The following TNFSF11 variants were observed in gnomAD, a reference collection of about 807,000 sequenced individuals.
TNFSF11 encodes TNF superfamily member 11, also known as tumor necrosis factor ligand superfamily member 11.
Under a neutral mutation model 32.2 loss-of-function variants are expected in TNFSF11, and 12 were observed. The ratio of observed to expected loss-of-function variants is 0.37; its 90% CI spans 0.24 to 0.60. The LOEUF (loss-of-function observed/expected upper bound fraction) is 0.60. Ranked by LOEUF, TNFSF11 falls within the 20% of genes least tolerant of loss-of-function variation. The pLI, the probability that TNFSF11 is intolerant of heterozygous loss-of-function variation, is 0.66. For synonymous variants in TNFSF11, 172 were observed against 152.1 expected, an observed-to-expected ratio of 1.13 and a Z score of -0.96; for missense variants, 345 against 398.0, an observed-to-expected ratio of 0.87 and a Z score of 1.13.
At chr13:42,574,637 A>G in intron 1 of TNFSF11, 115 bp downstream of exon 1, 1 of 1,280,950 alleles carries the variant, frequency 7.8e-7, no homozygotes, top group South Asian at 1.3e-5. Flanking sequence ...ATATTCCGGA[A>G]GGGAAAGTGA....
chr13:42,567,817 C>T (rs1872922353), intron 2 of TNFSF11, among the ~76,000 whole-genome samples: 2 of 152,226 alleles, frequency 1.3e-5, no homozygotes, highest in South Asian at 4.1e-4. Flanking sequence ...ACACACTTTA[C>T]ACTTAACAAA....
chr13:42,567,943 C>T (rs973012555), intron 2 of TNFSF11, among the ~76,000 whole-genome samples: 2 of 152,202 alleles, frequency 1.3e-5, no homozygotes, highest in African/African-American at 4.8e-5. Flanking sequence ...CTATCAGACA[C>T]CAAATAACTG....
chr13:42,577,127 T>C (rs2137858150), intron 1 of TNFSF11, among the ~76,000 whole-genome samples: 1 of 152,362 alleles, frequency 6.6e-6, no homozygotes, highest in Non-Finnish European at 1.5e-5. Flanking sequence ...ACAAACTATC[T>C]AGTAACATGT....
At chr13:42,583,392 C>G (rs1168195700) in intron 2 of TNFSF11, among the ~76,000 whole-genome samples, 1 of 106,626 alleles carries the variant, frequency 9.4e-6, no homozygotes, top group Non-Finnish European at 1.8e-5. Context: ...AGCCTGGCAG[C>G]CTGGGTGACA....
chr13:42,575,059 C>G (rs143382572), intron 1 of TNFSF11, among the ~76,000 whole-genome samples: 1 of 152,252 alleles, frequency 6.6e-6, no homozygotes, highest in East Asian at 1.9e-4. Flanking sequence ...TCGCGGTGCT[C>G]GTGCCCAGGT....
At chr13:42,567,802 A>G (rs1872921979) in intron 2 of TNFSF11, among the ~76,000 whole-genome samples, 1 of 152,264 alleles carries the variant, frequency 6.6e-6, no homozygotes, top group Non-Finnish European at 1.5e-5. Context: ...GGCAAGGGTT[A>G]AGTCACACAC....
intron 4 of TNFSF11, among the ~76,000 whole-genome samples, chr13:42,604,669 T>C (rs1258052962): frequency 6.6e-6 from 1 of 152,202 alleles, no homozygotes. Flanking sequence ...AGAGATAAAA[T>C]TGTAGAACAT....
chr13:42,586,032 T>C (rs1180310150), intron 2 of TNFSF11, among the ~76,000 whole-genome samples: 1 of 152,276 alleles, frequency 6.6e-6, no homozygotes, highest in Non-Finnish European at 1.5e-5. Context: ...TGTATATGTA[T>C]TTTTTAATAT....
intron 3 of TNFSF11, 39 bp from the exon 4 acceptor site, chr13:42,600,844 C>G: frequency 1.2e-6 from 2 of 1,614,038 alleles, no homozygotes; most frequent in Non-Finnish European, 1.7e-6. Context: ...AGGGTCACTA[C>G]TATTTTGGCT....
At chr13:42,585,156 C>T (rs1314505966) in intron 2 of TNFSF11, among the ~76,000 whole-genome samples, 1 of 152,238 alleles carries the variant, frequency 6.6e-6, no homozygotes, top group East Asian at 1.9e-4. Context: ...TGACATTCTA[C>T]ACATCTTGCC....
chr13:42,594,270 C>T (rs1197801109), intron 2 of TNFSF11, among the ~76,000 whole-genome samples: 3 of 151,870 alleles, frequency 2.0e-5, no homozygotes, highest in African/African-American at 4.8e-5. Context: ...TTAGTAGAGA[C>T]GAGGTTTTGC....
upstream of TNFSF11, among the ~76,000 whole-genome samples, chr13:42,573,549 TA>T (rs376587243): frequency 3.9e-5 from 6 of 152,332 alleles, no homozygotes; most frequent in East Asian, 7.7e-4. Context: ...TTCATCTTTA[TA>T]AAGTCAGAGT....
At chr13:42,577,970 T>C (rs1328614998) in intron 1 of TNFSF11, among the ~76,000 whole-genome samples, 1 of 152,252 alleles carries the variant, frequency 6.6e-6, no homozygotes, top group African/African-American at 2.4e-5. Flanking sequence ...AATTCATTGG[T>C]TACTCAGTTT....
At chr13:42,568,870 T>C (rs1313020753) in intron 2 of TNFSF11, among the ~76,000 whole-genome samples, 1 of 152,232 alleles carries the variant, frequency 6.6e-6, no homozygotes, top group Non-Finnish European at 1.5e-5. Context: ...TATTTTATAA[T>C]AGCCACACTT....
chr13:42,584,125 C>T (rs920553214), intron 2 of TNFSF11, among the ~76,000 whole-genome samples: 3 of 152,046 alleles, frequency 2.0e-5, no homozygotes, highest in African/African-American at 7.2e-5. Context: ...ATTTAAAATA[C>T]AATTGGATAA....
intron 1 of TNFSF11, among the ~76,000 whole-genome samples, chr13:42,578,426 T>A (rs1475282523): frequency 6.6e-6 from 1 of 152,160 alleles, no homozygotes; most frequent in Non-Finnish European, 1.5e-5. Context: ...TCTCCTAGTC[T>A]CCATTTTCAG....
chr13:42,563,097 T>G (rs1872730686), intron 1 of TNFSF11: 1 of 152,208 alleles, frequency 6.6e-6, no homozygotes, highest in African/African-American at 2.4e-5. Context: ...GAGTTCACTC[T>G]GAACATTTTA....
At chr13:42,574,738 C>T (rs531059122) in intron 1 of TNFSF11, among the ~76,000 whole-genome samples, 18 of 152,266 alleles carry the variant, frequency 1.2e-4, no homozygotes, top group South Asian at 1.0e-3. Context: ...CCACGCACCC[C>T]AGCTTCTCGG....
intron 4 of TNFSF11, among the ~76,000 whole-genome samples, chr13:42,601,363 CT>C (rs1401926301): frequency 6.6e-6 from 1 of 152,198 alleles, no homozygotes; most frequent in Non-Finnish European, 1.5e-5. Context: ...ACATACTCAG[CT>C]ATCTCCTGCA....
Sources: gnomAD v4.1 joint callset for allele counts (sites outside exome capture counted in the v4.1 genomes callset) on GRCh38, gnomAD v4.1.1 for gene constraint, MANE v1.5 for transcripts, NCBI Gene and HGNC (gene_info 2026-07-23, HGNC 2026-07-21) for gene names.